The following PLA2G4E variants were observed in gnomAD, a reference collection of about 807,000 sequenced individuals.
PLA2G4E encodes phospholipase A2 group IVE.
Under a neutral mutation model 109.1 loss-of-function variants are expected in PLA2G4E, and 84 were observed. That is an observed-to-expected ratio of 0.77 (90% CI 0.65 to 0.92). The LOEUF is 0.92. PLA2G4E is among the 40% of genes least tolerant of loss of function. PLA2G4E has a pLI of 0.00. For missense variants in PLA2G4E, 1,057 were observed against 1,076.6 expected, an observed-to-expected ratio of 0.98 and a Z score of 0.25; for synonymous variants, 469 against 436.1, an observed-to-expected ratio of 1.08 and a Z score of -0.94.
chr15:41,985,653 G>C (rs2068128523), intron 18 of PLA2G4E, among the ~76,000 whole-genome samples, 186 bp downstream of exon 18: 1 of 152,384 alleles, frequency 6.6e-6, no homozygotes, highest in African/African-American at 2.4e-5. Flanking sequence ...GTGAGAGCCA[G>C]CTGGCTGCCC....
At chr15:42,039,838 A>G (rs1037744653) in intron 1 of PLA2G4E, among the ~76,000 whole-genome samples, 1 of 152,210 alleles carries the variant, frequency 6.6e-6, no homozygotes, top group Non-Finnish European at 1.5e-5. Flanking sequence ...CTTAAATGGG[A>G]AAATAAAATG....
chr15:42,000,034 G>T, intron 8 of PLA2G4E, 34 bp from the exon 9 acceptor site: 1 of 1,587,022 alleles, frequency 6.3e-7, no homozygotes, highest in Non-Finnish European at 8.6e-7. Context: ...GAGAGGGGCT[G>T]GGGAGCTCCT....
intron 2 of PLA2G4E, chr15:42,010,126 AC>A: frequency 2.1e-6 from 1 of 486,182 alleles, no homozygotes; most frequent in South Asian, 1.6e-5. Context: ...CTTTTCCAGA[AC>A]ACTGGCCCCC....
intron 1 of PLA2G4E, among the ~76,000 whole-genome samples, chr15:42,044,936 C>T (rs1889386919): frequency 6.6e-6 from 1 of 152,020 alleles, no homozygotes; most frequent in East Asian, 1.9e-4. Context: ...GAGATGGAAG[C>T]AGTGGTGGAC....
intron 1 of PLA2G4E, among the ~76,000 whole-genome samples, chr15:42,035,650 A>G (rs1373203860): frequency 6.6e-6 from 1 of 152,176 alleles, no homozygotes; most frequent in East Asian, 1.9e-4. Flanking sequence ...GCTTCAGGTT[A>G]ATTTTTTAAC....
intron 5 of PLA2G4E, among the ~76,000 whole-genome samples, chr15:42,004,038 C>T (rs1456581308): frequency 6.6e-6 from 1 of 152,094 alleles, no homozygotes. Context: ...GGGCTGGGCG[C>T]GGTGGCTCAT....
At chr15:41,991,423 A>T (rs2068246506) in intron 13 of PLA2G4E, among the ~76,000 whole-genome samples, 1 of 151,562 alleles carries the variant, frequency 6.6e-6, no homozygotes, top group Non-Finnish European at 1.5e-5. Flanking sequence ...CTGAATTTCA[A>T]ACCCATCCTG....
At position 41,989,263 on chromosome 15, in the gene PLA2G4E, A is replaced by G. The variant is rs933191664; in HGVS notation, c.1723+152T>C. Among the ~76,000 whole-genome samples, 4 of 152,176 alleles carry G rather than the reference A, an allele frequency of 2.6e-5. No homozygotes were observed. In the East Asian group the frequency reaches 7.7e-4, roughly 29 times the overall value. On this transcript the variant is annotated intron_variant, in intron 15 of 19. Transcript: ENST00000399518. ...AGACCAGGAAATTGGGAGAGCCCCC[A>G]GACCAACTCTGGTCCCCAGTGACTT...
At chr15:42,040,190 ACACACACACACACG>A (rs1046702699) in intron 1 of PLA2G4E, among the ~76,000 whole-genome samples, 1 of 151,314 alleles carries the variant, frequency 6.6e-6, no homozygotes, top group African/African-American at 2.4e-5. Context: ...AAACTTTAAA[ACACACACACACACG>A]CACACACACA....
At chr15:42,039,790 C>T (rs1178505515) in intron 1 of PLA2G4E, among the ~76,000 whole-genome samples, 6 of 152,026 alleles carry the variant, frequency 3.9e-5, no homozygotes, top group Non-Finnish European at 4.4e-5. Flanking sequence ...TCCTAAGAGA[C>T]ATAAAACAGC....
At chr15:42,037,233 G>C (rs1257788413) in intron 1 of PLA2G4E, among the ~76,000 whole-genome samples, 1 of 152,244 alleles carries the variant, frequency 6.6e-6, no homozygotes, top group Non-Finnish European at 1.5e-5. Context: ...CCCACCTTCA[G>C]GCCAGGCTGC....
At chr15:41,987,858 G>A (rs980332752) in intron 16 of PLA2G4E, among the ~76,000 whole-genome samples, 191 bp downstream of exon 16, 2 of 151,620 alleles carry the variant, frequency 1.3e-5, no homozygotes, top group African/African-American at 2.4e-5. Context: ...TCCACACCCC[G>A]CCCCCCATCA....
chr15:42,010,861 T>C (rs2068528920), intron 2 of PLA2G4E, among the ~76,000 whole-genome samples: 1 of 152,202 alleles, frequency 6.6e-6, no homozygotes. Context: ...ATCTTGAGTA[T>C]TCACTGCCAT....
In PLA2G4E at chr15:42,006,171, C is replaced by T. The variant is rs1373660828; in HGVS notation, c.394-50G>A. On this transcript the variant is annotated intron_variant, in intron 3 of 19. Transcript: ENST00000399518. ...TCTGGTTACCACGGTTGCATTGACC[C>T]CTTCCCAGAACAAGGGGCTTGACCT... The T allele has an allele frequency of 1.9e-6, 3 of 1,606,078 alleles. No individual in the cohort carries two copies. The South Asian group carries it at 3.3e-5, about 18-fold the overall frequency.
intron 1 of PLA2G4E, among the ~76,000 whole-genome samples, chr15:42,018,700 C>A (rs914713814): frequency 6.6e-6 from 1 of 152,120 alleles, no homozygotes; most frequent in Non-Finnish European, 1.5e-5. Flanking sequence ...ACTGCTCAGG[C>A]TGCCGACACA....
intron 5 of PLA2G4E, among the ~76,000 whole-genome samples, chr15:42,003,031 G>A (rs1374211787): frequency 6.6e-6 from 1 of 152,214 alleles, no homozygotes; most frequent in African/African-American, 2.4e-5. Flanking sequence ...GCTGCAACCT[G>A]CCAGCTAGAG....
At chr15:42,037,638 C>T (rs927817355) in intron 1 of PLA2G4E, among the ~76,000 whole-genome samples, 1 of 152,324 alleles carries the variant, frequency 6.6e-6, no homozygotes, top group South Asian at 2.1e-4. Flanking sequence ...CTGAAACATG[C>T]CCCTTGCTCA....
intron 1 of PLA2G4E, among the ~76,000 whole-genome samples, chr15:42,015,293 A>C (rs1236394411): frequency 6.6e-6 from 1 of 152,144 alleles, no homozygotes; most frequent in African/African-American, 2.4e-5. Flanking sequence ...TGGACCCTAC[A>C]GCAACAGAGT....
intron 1 of PLA2G4E, among the ~76,000 whole-genome samples, chr15:42,039,265 A>C (rs1475969624): frequency 2.0e-5 from 3 of 152,258 alleles, no homozygotes; most frequent in Admixed American, 6.5e-5. Flanking sequence ...TATCTGCTCA[A>C]AAATTTCATT....
Sources: gnomAD v4.1 joint callset for allele counts (sites outside exome capture counted in the v4.1 genomes callset) on GRCh38, gnomAD v4.1.1 for gene constraint, MANE v1.5 for transcripts, NCBI Gene and HGNC (gene_info 2026-07-23, HGNC 2026-07-21) for gene names.